The following ARMC2 variants were observed in gnomAD, a reference collection of about 807,000 sequenced individuals.
ARMC2 encodes the protein armadillo repeat-containing protein 2.
In ARMC2, 67 loss-of-function variants were observed where a neutral mutation model predicts 90.3. That is an observed-to-expected ratio of 0.74 (90% CI 0.61 to 0.91). ARMC2 has a LOEUF of 0.91. Among genes scored for constraint, ARMC2 ranks in the 40% least tolerant of loss-of-function variants. The pLI is 0.00. For synonymous variants in ARMC2, 393 were observed against 393.0 expected, an observed-to-expected ratio of 1.00 and a Z score of 0.00; for missense variants, 920 against 1,030.9, an observed-to-expected ratio of 0.89 and a Z score of 1.47.
intron 10 of ARMC2, among the ~76,000 whole-genome samples, chr6:108,921,777 C>T (rs1470214881): frequency 4.6e-5 from 7 of 152,320 alleles, no homozygotes; most frequent in Non-Finnish European, 5.9e-5. Flanking sequence ...TGGTCTCTGG[C>T]GGCTGCGTTT....
chr6:108,884,096 T>C (rs2128446748), intron 5 of ARMC2, among the ~76,000 whole-genome samples: 1 of 152,322 alleles, frequency 6.6e-6, no homozygotes, highest in Admixed American at 6.5e-5. Context: ...AAACTTTCCA[T>C]TTGGAAAAGA....
chr6:108,942,393 C>T (rs1047583558), intron 12 of ARMC2, among the ~76,000 whole-genome samples: 4 of 152,156 alleles, frequency 2.6e-5, no homozygotes, highest in Non-Finnish European at 5.9e-5. Context: ...ACCAGCATGG[C>T]ATCTTAGTTT....
At chr6:108,956,573 C>T (rs185308421) in intron 13 of ARMC2, among the ~76,000 whole-genome samples, 7 of 151,194 alleles carry the variant, frequency 4.6e-5, no homozygotes, top group Admixed American at 6.6e-5. Flanking sequence ...TGGTGGGACA[C>T]GCCTGTGATC....
downstream of ARMC2, among the ~76,000 whole-genome samples, chr6:108,977,831 G>A (rs187062962): frequency 3.4e-4 from 52 of 152,214 alleles, 1 homozygote; most frequent in Admixed American, 2.9e-3. Context: ...ATTTCTGTAG[G>A]ATCGGTGGTG....
chr6:109,011,639 T>C, the ARMC2 span, among the ~76,000 whole-genome samples: 1 of 151,050 alleles, frequency 6.6e-6, no homozygotes, highest in Non-Finnish European at 1.5e-5. Flanking sequence ...TTTCTTTTTT[T>C]TTTTTTTTGA....
chr6:109,046,216 G>C, the ARMC2 span, among the ~76,000 whole-genome samples: 1 of 149,944 alleles, frequency 6.7e-6, no homozygotes, highest in Non-Finnish European at 1.5e-5. Context: ...GCCTCAGCCT[G>C]CCGAGTGCCT....
chr6:108,937,148 A>AGTT, intron 12 of ARMC2, 149 bp downstream of exon 12: 1 of 639,720 alleles, frequency 1.6e-6, no homozygotes, highest in Non-Finnish European at 2.6e-6. Flanking sequence ...GGAAGCAGTA[A>AGTT]GTTACCTATA....
the ARMC2 span, chr6:109,000,704 A>T: frequency 1.4e-6 from 2 of 1,468,136 alleles, no homozygotes; most frequent in East Asian, 5.0e-5. Context: ...CTAATTATAA[A>T]TATTAAAACC....
intron 8 of ARMC2, 110 bp from the exon 9 acceptor site, chr6:108,910,789 C>A: frequency 2.1e-6 from 1 of 484,692 alleles, no homozygotes. Context: ...AGAACTTTTT[C>A]ATGTTTAAAA....
At chr6:108,994,654 T>A in the ARMC2 span, 1 of 1,424,494 alleles carries the variant, frequency 7.0e-7, no homozygotes, top group Non-Finnish European at 9.5e-7. Context: ...AGACATAGAA[T>A]ATATATGAAT....
In ARMC2 at chr6:108,924,485, C is replaced by T. The variant is rs555221042; in HGVS notation, c.1351-3603C>T. On this transcript the variant is annotated intron_variant, in intron 10 of 17. Coordinates refer to ENST00000392644, the MANE Select transcript of ARMC2 (RefSeq NM_032131.6). ...GTGAGCCGAGATCGAGACTCTGTCTCGAAAAAGAAAAAAGAAAAAAATGAG... is the reference window on the plus strand; with the variant it reads ...GTGAGCCGAGATCGAGACTCTGTCTTGAAAAAGAAAAAAGAAAAAAATGAG... Among the ~76,000 whole-genome samples the T allele has an allele frequency of 2.3e-4, 20 of 86,264 alleles. No individual in the cohort carries two copies. The East Asian group carries it at 4.0e-3, about 17-fold the overall frequency. The allele number at this position is 86,264 out of a possible 152,430, so 56.6% of individuals were successfully genotyped here.
At chr6:108,874,815 G>A (rs1776780381) in intron 4 of ARMC2, among the ~76,000 whole-genome samples, 1 of 151,166 alleles carries the variant, frequency 6.6e-6, no homozygotes, top group East Asian at 1.9e-4. Context: ...TTAATCTTTG[G>A]GTTCTCAATT....
chr6:108,891,473 G>T (rs551778569), intron 5 of ARMC2, among the ~76,000 whole-genome samples: 22 of 152,240 alleles, frequency 1.4e-4, no homozygotes, highest in Non-Finnish European at 3.1e-4. Flanking sequence ...ATCTCATTGT[G>T]GTTTTGATTT....
At chr6:108,991,803 T>C in the ARMC2 span, among the ~76,000 whole-genome samples, 1 of 152,196 alleles carries the variant, frequency 6.6e-6, no homozygotes, top group Non-Finnish European at 1.5e-5. Context: ...TACTTTGACA[T>C]TTAAGGCACA....
intron 15 of ARMC2, among the ~76,000 whole-genome samples, chr6:108,963,913 G>T (rs1005522699): frequency 6.6e-6 from 1 of 152,188 alleles, no homozygotes; most frequent in Admixed American, 6.5e-5. Flanking sequence ...CACCAGCTGG[G>T]ACTCTTTCAC....
intron 3 of ARMC2, among the ~76,000 whole-genome samples, chr6:108,861,299 C>A (rs184201241): frequency 2.6e-5 from 4 of 152,332 alleles, no homozygotes; most frequent in African/African-American, 9.6e-5. Context: ...TGTGCGTGCA[C>A]ACGCATGTGC....
chr6:108,990,843 C>T, the ARMC2 span: 1 of 1,611,096 alleles, frequency 6.2e-7, no homozygotes. Flanking sequence ...GTCCTAAATA[C>T]AGGGAATAGA....
chr6:109,051,968 T>A, the ARMC2 span, among the ~76,000 whole-genome samples: 125 of 152,298 alleles, frequency 8.2e-4, 2 homozygotes, highest in Admixed American at 6.7e-3. Flanking sequence ...CTTAATACTA[T>A]CACATTGACA....
chr6:109,032,941 G>A, the ARMC2 span, among the ~76,000 whole-genome samples: 1 of 152,108 alleles, frequency 6.6e-6, no homozygotes, highest in Non-Finnish European at 1.5e-5. Flanking sequence ...TGCCTTGTAA[G>A]AACCCACACA....
Sources: allele counts gnomAD v4.1 joint callset (sites outside exome capture counted in the v4.1 genomes callset), GRCh38; gene constraint gnomAD v4.1.1; transcripts MANE v1.5; gene names NCBI Gene and HGNC (gene_info 2026-07-23, HGNC 2026-07-21).